The following AGBL4 variants were observed in gnomAD, a reference collection of about 807,000 sequenced individuals.
AGBL4 encodes AGBL carboxypeptidase 4, also known as cytosolic carboxypeptidase 6.
A neutral mutation model predicts 66.4 loss-of-function variants in AGBL4; 58 were observed. The observed-to-expected ratio is 0.87, with a 90% CI of 0.71 to 1.09. The LOEUF is 1.09. AGBL4 is among the 50% of genes least tolerant of loss of function. The probability of loss-of-function intolerance (pLI) is 0.00; values close to 1 mark genes in which losing one functional copy is unlikely to be tolerated. For synonymous variants in AGBL4, 234 were observed against 222.9 expected (o/e 1.05, Z -0.44); for missense variants, 579 against 631.0 (o/e 0.92, Z 0.88).
intron 6 of AGBL4, among the ~76,000 whole-genome samples, chr1:48,847,878 T>C (rs377490268): frequency 2.0e-5 from 3 of 152,314 alleles, no homozygotes; most frequent in Admixed American, 6.5e-5. Context: ...TATAGTTCTA[T>C]GGTGGCCTGA....
chr1:48,663,119 G>T, intron 7 of AGBL4, 33 bp downstream of exon 7: 2 of 1,601,010 alleles, frequency 1.2e-6, no homozygotes, highest in Non-Finnish European at 1.7e-6. Context: ...GTTGGATGTG[G>T]GTATAGGATA....
At chr1:49,962,895 T>C (rs1157814904) in intron 1 of AGBL4, among the ~76,000 whole-genome samples, 1 of 152,110 alleles carries the variant, frequency 6.6e-6, no homozygotes, top group Non-Finnish European at 1.5e-5. Flanking sequence ...ATTGATTAAA[T>C]CAAGGTCATA....
chr1:49,568,498 C>CACAA (rs1553229232), intron 3 of AGBL4, among the ~76,000 whole-genome samples: 2 of 150,860 alleles, frequency 1.3e-5, no homozygotes, highest in East Asian at 1.9e-4. Context: ...CACACACACA[C>CACAA]ACACACACAC....
intron 4 of AGBL4, among the ~76,000 whole-genome samples, chr1:49,126,606 G>C (rs1645769343): frequency 6.6e-6 from 1 of 152,080 alleles, no homozygotes; most frequent in Non-Finnish European, 1.5e-5. Flanking sequence ...AACTTTCCCA[G>C]ATTTACACAG....
At chr1:48,918,416 C>T (rs1400306190) in intron 5 of AGBL4, among the ~76,000 whole-genome samples, 2 of 152,222 alleles carry the variant, frequency 1.3e-5, no homozygotes, top group Non-Finnish European at 2.9e-5. Flanking sequence ...CAACTGCCCT[C>T]CAAAGAGGCA....
At chr1:49,871,704 T>C (rs970347602) in intron 1 of AGBL4, among the ~76,000 whole-genome samples, 6 of 152,146 alleles carry the variant, frequency 3.9e-5, no homozygotes, top group East Asian at 1.9e-4. Flanking sequence ...GTTATTAGTA[T>C]GTGTTTCAAA....
At chr1:49,452,776 A>T (rs1484797495) in intron 3 of AGBL4, among the ~76,000 whole-genome samples, 1 of 151,840 alleles carries the variant, frequency 6.6e-6, no homozygotes. Flanking sequence ...TTCCCAGAAA[A>T]AAACAGGATA....
intron 4 of AGBL4, among the ~76,000 whole-genome samples, chr1:49,117,962 A>G (rs1645565241): frequency 6.6e-6 from 1 of 151,956 alleles, no homozygotes; most frequent in South Asian, 2.1e-4. Flanking sequence ...ATTCCTAGGT[A>G]TTTTATTCCC....
At chr1:48,797,335 A>C (rs1029738735) in intron 6 of AGBL4, among the ~76,000 whole-genome samples, 1 of 152,176 alleles carries the variant, frequency 6.6e-6, no homozygotes, top group South Asian at 2.1e-4. Flanking sequence ...GGAAGTGTAC[A>C]CTGTACCTAA....
At chr1:49,894,089 C>T (rs888624106) in intron 1 of AGBL4, among the ~76,000 whole-genome samples, 2 of 152,168 alleles carry the variant, frequency 1.3e-5, no homozygotes, top group African/African-American at 2.4e-5. Context: ...CCTGCTAATT[C>T]AGAGAATTGT....
chr1:49,282,856 G>A (rs920180864), intron 3 of AGBL4, among the ~76,000 whole-genome samples: 1 of 152,310 alleles, frequency 6.6e-6, no homozygotes. Context: ...CCCGCACCTG[G>A]CTTGGAGGGT....
chr1:49,977,590 C>A (rs1658675673), intron 1 of AGBL4, among the ~76,000 whole-genome samples: 1 of 152,214 alleles, frequency 6.6e-6, no homozygotes, highest in Admixed American at 6.5e-5. Context: ...AGAATATTTT[C>A]TGTACAATAG....
intron 1 of AGBL4, among the ~76,000 whole-genome samples, chr1:49,881,919 T>C (rs1647369462): frequency 1.3e-5 from 2 of 152,176 alleles, no homozygotes; most frequent in Non-Finnish European, 2.9e-5. Flanking sequence ...ATTTTGGCTT[T>C]GGTTGCCATT....
intron 3 of AGBL4, among the ~76,000 whole-genome samples, chr1:49,487,909 G>T (rs764058575): frequency 1.3e-5 from 2 of 151,832 alleles, no homozygotes; most frequent in African/African-American, 4.8e-5. Flanking sequence ...ACAACTAAAT[G>T]AAGGCAAAGA....
chr1:49,498,699 G>T (rs1384323940), intron 3 of AGBL4, among the ~76,000 whole-genome samples: 1 of 151,784 alleles, frequency 6.6e-6, no homozygotes, highest in East Asian at 2.0e-4. Context: ...GATGATAGAG[G>T]TGCATTGGTC....
chr1:49,352,039 G>C (rs1643920038), intron 3 of AGBL4, among the ~76,000 whole-genome samples: 1 of 152,088 alleles, frequency 6.6e-6, no homozygotes, highest in Admixed American at 6.6e-5. Context: ...TGCACTTGCT[G>C]CCTGCATACC....
intron 2 of AGBL4, among the ~76,000 whole-genome samples, chr1:49,800,213 A>C (rs1003701879): frequency 1.3e-5 from 2 of 152,186 alleles, no homozygotes; most frequent in Admixed American, 1.3e-4. Context: ...CCAAAAGAAT[A>C]TAGCAAAAGT....
chr1:48,794,306 G>C (rs983921904), intron 6 of AGBL4, among the ~76,000 whole-genome samples: 1 of 152,050 alleles, frequency 6.6e-6, no homozygotes, highest in African/African-American at 2.4e-5. Flanking sequence ...TCTTTGGCAG[G>C]CTCCTTCCTA....
chr1:48,915,138 T>C (rs1653479569), intron 5 of AGBL4, among the ~76,000 whole-genome samples: 1 of 152,224 alleles, frequency 6.6e-6, no homozygotes, highest in South Asian at 2.1e-4. Context: ...ATTCAAGACT[T>C]TGTACTAACC....
Sources: allele counts gnomAD v4.1 joint callset (sites outside exome capture counted in the v4.1 genomes callset), GRCh38; gene constraint gnomAD v4.1.1; transcripts MANE v1.5; gene names NCBI Gene and HGNC (gene_info 2026-07-23, HGNC 2026-07-21).